The following RERE variants were observed in gnomAD, a reference collection of about 807,000 sequenced individuals.
RERE encodes arginine-glutamic acid dipeptide repeats.
A neutral mutation model predicts 146.1 loss-of-function variants in RERE; 40 were observed. That is an observed-to-expected ratio of 0.27 (90% confidence interval 0.21 to 0.36). The LOEUF (loss-of-function observed/expected upper bound fraction) is 0.36. Among genes scored for constraint, RERE ranks in the 10% least tolerant of loss-of-function variants. The probability of loss-of-function intolerance (pLI) is 1.00; values close to 1 mark genes in which losing one functional copy is unlikely to be tolerated. For missense variants in RERE, 1,933 were observed against 2,138.7 expected (o/e 0.90, Z 1.90); for synonymous variants, 1,003 against 866.0 (o/e 1.16, Z -2.78).
chr1:8,591,768 G>A (rs1490420585), intron 4 of RERE, among the ~76,000 whole-genome samples: 2 of 152,126 alleles, frequency 1.3e-5, no homozygotes, highest in African/African-American at 2.4e-5. Flanking sequence ...GTTCCATCAC[G>A]CATGCTTCCT....
At chr1:8,621,789 C>A (rs11121207) in intron 3 of RERE, among the ~76,000 whole-genome samples, 24,189 of 152,140 alleles carry the variant, frequency 0.16, 2,323 homozygotes, top group Middle Eastern at 0.26. Flanking sequence ...AAGCTTATTT[C>A]CTTCTGCTCA....
intron 12 of RERE, among the ~76,000 whole-genome samples, chr1:8,407,889 G>T (rs887056623): frequency 6.6e-6 from 1 of 152,138 alleles, no homozygotes; most frequent in African/African-American, 2.4e-5. Flanking sequence ...CCTCCACCTG[G>T]CAGAAACCCT....
intron 12 of RERE, among the ~76,000 whole-genome samples, chr1:8,410,311 C>T (rs563442516): frequency 5.7e-4 from 87 of 152,258 alleles, no homozygotes; most frequent in African/African-American, 1.7e-3. Flanking sequence ...GTCCACAAGA[C>T]CTCACCCAGA....
At chr1:8,695,725 A>G (rs773884660) in intron 1 of RERE, among the ~76,000 whole-genome samples, 10 of 151,892 alleles carry the variant, frequency 6.6e-5, no homozygotes, top group Non-Finnish European at 1.2e-4. Flanking sequence ...ACGCCACTGC[A>G]CTCCAGTCTG....
intron 9 of RERE, among the ~76,000 whole-genome samples, chr1:8,496,008 A>T (rs569191305): frequency 3.3e-5 from 5 of 152,074 alleles, no homozygotes; most frequent in African/African-American, 4.8e-5. Context: ...AGAGAAAAAA[A>T]ATATATTAGC....
rs1250620518 is a variant in RERE, at chr1:8,817,541, G to C, written c.-526C>G. ...GGGGAGCGAGAGAGGGGAAAAGGAC[G>C]GGGGAGGAGGCGGGGACCGAGGCCC... On this transcript the variant is annotated 5_prime_UTR_variant, in exon 1 of 23. Coordinates refer to ENST00000400908, the MANE Select transcript of RERE (RefSeq NM_001042681.2). 6.6e-6 allele frequency: 1 copy of C among 151,412 alleles called. No homozygotes were observed. Among genetic ancestry groups the C allele is most frequent in the Non-Finnish European group, 1.5e-5 (1 of 67,872 alleles). The allele number at this position is 151,412 out of a possible 1,614,324, so 9.4% of individuals were successfully genotyped here.
chr1:8,732,885 T>G (rs796218191), intron 1 of RERE, among the ~76,000 whole-genome samples: 33 of 144,246 alleles, frequency 2.3e-4, no homozygotes, highest in African/African-American at 8.1e-4. Flanking sequence ...GCAGTGGCGC[T>G]ATCTCAGCTC....
rs1642893176 is a variant in RERE at position 8,391,879 on chromosome 1, T to C, written c.1285-25905A>G. Among the ~76,000 whole-genome samples, 4 of 152,092 alleles carry C rather than the reference T, an allele frequency of 2.6e-5. No homozygotes were observed. In the South Asian group the frequency reaches 8.3e-4, roughly 32 times the overall value. On this transcript the variant is annotated intron_variant, in intron 12 of 22. Transcript: ENST00000400908. ...TGTCTCTACTAAATAATATAAAAAT[T>C]GGCTGGGCATGGTAGCAGGTGCCTG...
At chr1:8,424,335 C>T (rs1256840766) in intron 11 of RERE, 1 of 152,290 alleles carries the variant, frequency 6.6e-6, no homozygotes, top group East Asian at 1.9e-4. Context: ...CCTCCCACTC[C>T]CTGTGTTTGA....
At chr1:8,749,694 A>C (rs1448510792) in intron 1 of RERE, among the ~76,000 whole-genome samples, 1 of 152,216 alleles carries the variant, frequency 6.6e-6, no homozygotes. Context: ...GGTCAGAGTT[A>C]TATCAGAGAC....
At chr1:8,793,157 C>CAAAAAAAAAAAAAAA in intron 1 of RERE, among the ~76,000 whole-genome samples, 1 of 49,314 alleles carries the variant, frequency 2.0e-5, no homozygotes, top group South Asian at 7.4e-4. Flanking sequence ...ACTCCATCTC[C>CAAAAAAAAAAAAAAA]AAAAAAAAAA....
At chr1:8,429,672 C>T (rs1644067368) in intron 11 of RERE, among the ~76,000 whole-genome samples, 1 of 152,174 alleles carries the variant, frequency 6.6e-6, no homozygotes, top group African/African-American at 2.4e-5. Flanking sequence ...AGAAACTCAC[C>T]ATGACTTCTG....
Position 8,360,660 on chromosome 1 carries a change from G to T in RERE, c.2847C>A (p.Pro949=), listed in dbSNP as rs749679055. 1 of 1,539,234 alleles carries T rather than the reference G, an allele frequency of 6.5e-7. No homozygotes were observed. The highest frequency in any genetic ancestry group is 2.3e-5 in the East Asian group (1 of 43,568). The change falls in exon 18 of 23, where the codon CCC becomes CCA. Residue 949 remains proline (P), a synonymous_variant. Transcript: ENST00000400908. ...LPAPQAHKHP[P]HLSGPSPFSM... ...AGAAGGGTGAGGGCCCCGAGAGGTG[G>T]GGAGGGTGCTTGTGGGCCTGTGGCG...
At chr1:8,761,651 C>A (rs935283042) in intron 1 of RERE, among the ~76,000 whole-genome samples, 1 of 152,176 alleles carries the variant, frequency 6.6e-6, no homozygotes, top group African/African-American at 2.4e-5. Flanking sequence ...GGCATGGTGG[C>A]TCATGCCTGT....
intron 1 of RERE, among the ~76,000 whole-genome samples, chr1:8,681,034 G>A (rs1638953117): frequency 6.6e-6 from 1 of 152,186 alleles, no homozygotes; most frequent in African/African-American, 2.4e-5. Flanking sequence ...GAGAATGGGA[G>A]TCAGAAAGCA....
At chr1:8,415,662 T>A (rs1445031474) in intron 12 of RERE, among the ~76,000 whole-genome samples, 2 of 152,234 alleles carry the variant, frequency 1.3e-5, no homozygotes, top group Non-Finnish European at 2.9e-5. Flanking sequence ...AAAAGTCTCT[T>A]ACGTACTTCA....
intron 1 of RERE, among the ~76,000 whole-genome samples, chr1:8,725,659 T>C (rs573469127): frequency 7.2e-5 from 11 of 152,316 alleles, no homozygotes; most frequent in African/African-American, 2.6e-4. Context: ...ACTTTCTGCC[T>C]TGTAAAGCCT....
At chr1:8,677,721 T>C (rs764053584) in intron 1 of RERE, among the ~76,000 whole-genome samples, 17 of 152,214 alleles carry the variant, frequency 1.1e-4, no homozygotes, top group South Asian at 2.1e-4. Flanking sequence ...TTCAGTTTCT[T>C]CACTGACAAA....
intron 17 of RERE, 108 bp from the exon 18 acceptor site, chr1:8,361,598 G>A: frequency 6.8e-7 from 1 of 1,475,082 alleles, no homozygotes; most frequent in Non-Finnish European, 9.3e-7. Flanking sequence ...GAAGCAGCAA[G>A]CTTGGCTCCG....
Sources: gnomAD v4.1 joint callset for allele counts (sites outside exome capture counted in the v4.1 genomes callset) on GRCh38, gnomAD v4.1.1 for gene constraint, MANE v1.5 for transcripts, NCBI Gene and HGNC (gene_info 2026-07-23, HGNC 2026-07-21) for gene names.